The following ABL1 variants were observed in gnomAD, a reference collection of about 807,000 sequenced individuals.
ABL1 encodes ABL proto-oncogene 1, non-receptor tyrosine kinase, also known as tyrosine-protein kinase ABL1.
In ABL1, 11 loss-of-function variants were observed where a neutral mutation model predicts 94.7. The observed-to-expected ratio is 0.12, with a 90% CI of 0.07 to 0.19. The LOEUF is 0.19. Ranked by LOEUF, ABL1 falls within the 10% of genes least tolerant of loss-of-function variation. The pLI, the probability that ABL1 is intolerant of heterozygous loss-of-function variation, is 1.00. For synonymous variants in ABL1, 656 were observed against 622.4 expected (o/e 1.05, Z -0.80); for missense variants, 1,082 against 1,489.4 (o/e 0.73, Z 4.50).
intron 1 of ABL1, among the ~76,000 whole-genome samples, chr9:130,718,662 C>CT (rs1245305045): frequency 6.6e-6 from 1 of 152,088 alleles, no homozygotes; most frequent in Non-Finnish European, 1.5e-5. Flanking sequence ...AGGTGGATTG[C>CT]TTGAGCCCAG....
chr9:130,839,072 T>G (rs1830630649), intron 1 of ABL1, among the ~76,000 whole-genome samples: 1 of 151,798 alleles, frequency 6.6e-6, no homozygotes, highest in Non-Finnish European at 1.5e-5. Flanking sequence ...ACCTGACTAA[T>G]TAAAATTTTT....
chr9:130,742,234 A>T (rs1831829341), intron 1 of ABL1, among the ~76,000 whole-genome samples: 1 of 152,012 alleles, frequency 6.6e-6, no homozygotes. Context: ...CATTTTGGGG[A>T]TTATGCTCAG....
chr9:130,743,064 A>T (rs138138516), intron 1 of ABL1, among the ~76,000 whole-genome samples: 50 of 152,270 alleles, frequency 3.3e-4, no homozygotes, highest in Non-Finnish European at 6.3e-4. Context: ...TTAACATCTT[A>T]CACTAAAGTT....
intron 1 of ABL1, among the ~76,000 whole-genome samples, chr9:130,740,844 T>G (rs1385191108): frequency 1.5e-5 from 2 of 131,294 alleles, no homozygotes; most frequent in East Asian, 2.3e-4. Context: ...TTTTTTTTTG[T>G]AGAGAAGGGT....
In ABL1 at chr9:130,885,223, C is replaced by G. The variant is rs1314086926; in HGVS notation, c.2933C>G (p.Pro978Arg). Reference protein sequence around the residue: ...SAKPSGTPISPAPVPSTLPSA... With the variant: ...SAKPSGTPISRAPVPSTLPSA... ...AAGCCGTCGGGGACCCCCATCAGCC[C>G]AGCCCCCGTTCCCTCCACGTTGCCA... The change falls in exon 11 of 11, where the codon CCA becomes CGA. Residue 978 changes from proline (P) to arginine (R), a missense_variant. Physicochemically the swap from Pro to Arg is moderately radical, Grantham distance 103. Transcript: ENST00000318560. The G allele has an allele frequency of 1.9e-6, 3 of 1,613,810 alleles. No individual in the cohort carries two copies. The East Asian group carries it at 6.7e-5, about 36-fold the overall frequency.
At chr9:130,869,254 C>G (rs1463728293) in intron 4 of ABL1, among the ~76,000 whole-genome samples, 2 of 152,120 alleles carry the variant, frequency 1.3e-5, no homozygotes, top group African/African-American at 4.8e-5. Flanking sequence ...CATTAAAGAA[C>G]CAGCCTTTGT....
chr9:130,728,453 T>C (rs1831618823), intron 1 of ABL1, among the ~76,000 whole-genome samples: 1 of 150,362 alleles, frequency 6.7e-6, no homozygotes, highest in Non-Finnish European at 1.5e-5. Flanking sequence ...TGGAGTGATC[T>C]TGGCTCACTA....
At chr9:130,746,917 G>A (rs1380605334) in intron 1 of ABL1, among the ~76,000 whole-genome samples, 1 of 152,134 alleles carries the variant, frequency 6.6e-6, no homozygotes, top group Non-Finnish European at 1.5e-5. Context: ...CCAAAATCAG[G>A]GGGACAGCAG....
intron 1 of ABL1, among the ~76,000 whole-genome samples, chr9:130,786,448 C>A (rs1829827259): frequency 6.6e-6 from 1 of 152,170 alleles, no homozygotes; most frequent in South Asian, 2.1e-4. Context: ...TCTCAGAAAA[C>A]ACAGAACGCT....
intron 1 of ABL1, among the ~76,000 whole-genome samples, chr9:130,753,319 C>A (rs1831992001): frequency 6.6e-6 from 1 of 152,112 alleles, no homozygotes; most frequent in Non-Finnish European, 1.5e-5. Flanking sequence ...GCTATCACTT[C>A]CTCTGTTCCC....
upstream of ABL1, chr9:130,835,189 G>C (rs1027023685): frequency 4.1e-5 from 7 of 169,500 alleles, no homozygotes; most frequent in Non-Finnish European, 6.3e-5. The surrounding 1 kb of genome is among the most constrained non-coding windows in gnomAD (Gnocchi z 4.6). Context: ...CGGCCAGGAG[G>C]GGGTTAAGGC....
At chr9:130,808,530 C>T (rs930543002) in intron 1 of ABL1, among the ~76,000 whole-genome samples, 1 of 152,172 alleles carries the variant, frequency 6.6e-6, no homozygotes, top group Non-Finnish European at 1.5e-5. Context: ...AGGCATGAGC[C>T]ATCGCACCCA....
At chr9:130,874,480 C>T (rs997007786) in intron 6 of ABL1, among the ~76,000 whole-genome samples, 1 of 152,188 alleles carries the variant, frequency 6.6e-6, no homozygotes, top group Non-Finnish European at 1.5e-5. Flanking sequence ...CATAGAGTAG[C>T]AATAACTGCA....
In ABL1 at chr9:130,750,054, G is replaced by A. The variant is rs543609628; in HGVS notation, c.136+35599G>A. ...AAATTATCCAGGTGTGGTGGTGCACGCCTGTGTTCCCAGCTACTTGGGAGG... is the reference window on the plus strand; with the variant it reads ...AAATTATCCAGGTGTGGTGGTGCACACCTGTGTTCCCAGCTACTTGGGAGG... On this transcript the variant is annotated intron_variant, in intron 1 of 10. Coordinates refer to the ABL1 transcript ENST00000372348. 1.3e-4 allele frequency among the ~76,000 whole-genome samples: 20 copies of A among 151,380 alleles called. No homozygotes were observed. In the East Asian group the frequency reaches 2.9e-3, roughly 22 times the overall value.
At chr9:130,876,901 C>T (rs1287584479) in intron 7 of ABL1, among the ~76,000 whole-genome samples, 5 of 146,752 alleles carry the variant, frequency 3.4e-5, no homozygotes, top group East Asian at 1.9e-4. Flanking sequence ...CACACTCGGC[C>T]AATTTTTTTT....
chr9:130,868,520 C>CTTTTTTTTTTTTTTT (rs71389371), intron 4 of ABL1, among the ~76,000 whole-genome samples: 3 of 112,112 alleles, frequency 2.7e-5, no homozygotes, highest in South Asian at 3.0e-4. Flanking sequence ...TTTTCTTTTT[C>CTTTTTTTTTTTTTTT]TTTTTTTTTT....
At chr9:130,831,489 C>T (rs1830494308), upstream of ABL1, among the ~76,000 whole-genome samples, 1 of 152,178 alleles carries the variant, frequency 6.6e-6, no homozygotes, top group Non-Finnish European at 1.5e-5. Flanking sequence ...TAGAACTATG[C>T]CTATCTTAAA....
chr9:130,728,693 T>TTG (rs1661449454), intron 1 of ABL1, among the ~76,000 whole-genome samples: 2 of 150,346 alleles, frequency 1.3e-5, no homozygotes, highest in Admixed American at 1.3e-4. Context: ...CCCAGCCTGT[T>TTG]TTTTTTTTTT....
At chr9:130,766,783 CG>C (rs1832189424) in intron 1 of ABL1, among the ~76,000 whole-genome samples, 1 of 152,196 alleles carries the variant, frequency 6.6e-6, no homozygotes, top group African/African-American at 2.4e-5. Context: ...TGCCTTGCCC[CG>C]GCTCTGATCT....
Sources: allele counts gnomAD v4.1 joint callset (sites outside exome capture counted in the v4.1 genomes callset), GRCh38; gene constraint gnomAD v4.1.1; non-coding constraint Gnocchi (gnomAD v3.1); transcripts MANE v1.5; gene names NCBI Gene and HGNC (gene_info 2026-07-23, HGNC 2026-07-21).